Variants in DLGAP2 observed in about 807,000 individuals in gnomAD.
DLGAP2 encodes the protein disks large-associated protein 2.
A neutral mutation model predicts 100.3 loss-of-function variants in DLGAP2; 26 were observed. The observed-to-expected ratio is 0.26, with a 90% confidence interval of 0.19 to 0.36. DLGAP2 has a LOEUF of 0.36. Among genes scored for constraint, DLGAP2 ranks in the 10% least tolerant of loss-of-function variants. DLGAP2 has a pLI of 1.00. For synonymous variants in DLGAP2, 886 were observed against 630.1 expected (o/e 1.41, Z -6.08); for missense variants, 1,858 against 1,453.2 (o/e 1.28, Z -4.53).
At chr8:1,476,215 A>G (rs1798925625) in intron 3 of DLGAP2, among the ~76,000 whole-genome samples, 1 of 152,164 alleles carries the variant, frequency 6.6e-6, no homozygotes, top group Non-Finnish European at 1.5e-5. Flanking sequence ...GTCCTGGTAC[A>G]TCTCTTAGCT....
intron 4 of DLGAP2, among the ~76,000 whole-genome samples, chr8:1,505,552 A>G (rs768694563): frequency 4.6e-5 from 7 of 152,224 alleles, no homozygotes; most frequent in Non-Finnish European, 1.0e-4. Context: ...AAGCTCATAG[A>G]GTGTAATGTA....
intron 3 of DLGAP2, among the ~76,000 whole-genome samples, chr8:1,379,177 C>T (rs901585411): frequency 3.9e-5 from 6 of 152,254 alleles, no homozygotes; most frequent in Non-Finnish European, 7.3e-5. Flanking sequence ...GTCAGCCTCA[C>T]GGGGCCACCC....
At chr8:1,624,306 G>C (rs985142787) in intron 6 of DLGAP2, among the ~76,000 whole-genome samples, 2 of 152,080 alleles carry the variant, frequency 1.3e-5, no homozygotes, top group East Asian at 3.9e-4. Flanking sequence ...GCAGAAGTGC[G>C]GGAAGTTTAC....
chr8:1,164,172 CATTTT>C lies in DLGAP2; in HGVS notation c.74-94678_74-94674del, dbSNP rs1563224181. ...TTTCTGTGAGCCCCCCAGGGCCCGTCATTTTGGTTTGTGGGGATTTTTCTGTGAGC... is the reference window on the plus strand; with the variant it reads ...TTTCTGTGAGCCCCCCAGGGCCCGTCGGTTTGTGGGGATTTTTCTGTGAGC... On this transcript the variant is annotated intron_variant, in intron 2 of 14. Transcript: ENST00000637795. Among the ~76,000 whole-genome samples the C allele has an allele frequency of 5.6e-4, 62 of 111,204 alleles. 5 individuals carry two copies. Among genetic ancestry groups the C allele is most frequent in the South Asian group, 2.5e-3 (9 of 3,634 alleles). The allele number at this position is 111,204 out of a possible 152,430, so 73.0% of individuals were successfully genotyped here.
intron 2 of DLGAP2, among the ~76,000 whole-genome samples, chr8:911,212 G>C (rs566257854): frequency 3.3e-5 from 5 of 152,306 alleles, no homozygotes; most frequent in African/African-American, 1.2e-4. Flanking sequence ...CCATGGTGAA[G>C]AGATGACATG....
chr8:790,510 C>A (rs760587881), intron 1 of DLGAP2, among the ~76,000 whole-genome samples: 1 of 152,110 alleles, frequency 6.6e-6, no homozygotes, highest in Non-Finnish European at 1.5e-5. Flanking sequence ...TGTAGCAAGA[C>A]CAGCATGGGG....
At chr8:1,408,769 C>T (rs1425435959) in intron 3 of DLGAP2, among the ~76,000 whole-genome samples, 1 of 152,110 alleles carries the variant, frequency 6.6e-6, no homozygotes, top group East Asian at 1.9e-4. Context: ...GAACTCGTGG[C>T]AGCTCTACCA....
At chr8:1,380,575 C>T (rs1467700106) in intron 3 of DLGAP2, among the ~76,000 whole-genome samples, 5 of 152,060 alleles carry the variant, frequency 3.3e-5, no homozygotes, top group Non-Finnish European at 7.4e-5. Flanking sequence ...TACAAAGCGA[C>T]GTGAATTAAA....
At chr8:1,009,348 G>A (rs770914674) in intron 2 of DLGAP2, among the ~76,000 whole-genome samples, 13 of 152,156 alleles carry the variant, frequency 8.5e-5, no homozygotes, top group Non-Finnish European at 1.3e-4. Flanking sequence ...ATCGGATAAC[G>A]GGCTTTTTCT....
At chr8:1,193,763 C>G (rs150960124) in intron 2 of DLGAP2, among the ~76,000 whole-genome samples, 3 of 152,144 alleles carry the variant, frequency 2.0e-5, no homozygotes, top group African/African-American at 7.2e-5. Flanking sequence ...GAGCAGATCC[C>G]AGTCTCGGCC....
intron 4 of DLGAP2, among the ~76,000 whole-genome samples, chr8:1,519,856 G>T (rs572675736): frequency 6.6e-6 from 1 of 152,230 alleles, no homozygotes; most frequent in Non-Finnish European, 1.5e-5. Flanking sequence ...GGCTTCCTTT[G>T]GGGGCACAGA....
chr8:1,364,028 C>T (rs1802048134), intron 3 of DLGAP2, among the ~76,000 whole-genome samples: 1 of 152,170 alleles, frequency 6.6e-6, no homozygotes, highest in Non-Finnish European at 1.5e-5. Flanking sequence ...CCTCACTGAT[C>T]CTCATGGAAC....
At chr8:1,307,476 T>G (rs916259156) in intron 3 of DLGAP2, among the ~76,000 whole-genome samples, 1 of 152,100 alleles carries the variant, frequency 6.6e-6, no homozygotes, top group Non-Finnish European at 1.5e-5. Flanking sequence ...CTTCAAAAAA[T>G]AAACATGGAA....
chr8:983,635 AT>A (rs953662925), intron 2 of DLGAP2, among the ~76,000 whole-genome samples: 12 of 152,128 alleles, frequency 7.9e-5, no homozygotes, highest in Non-Finnish European at 1.3e-4. Flanking sequence ...ATTTATTTTA[AT>A]TTTTTTTAAT....
chr8:1,011,804 G>C (rs1483882940), intron 2 of DLGAP2, among the ~76,000 whole-genome samples: 1 of 152,202 alleles, frequency 6.6e-6, no homozygotes. Context: ...CCTGGAATGA[G>C]AGTCCTCAGT....
intron 1 of DLGAP2, among the ~76,000 whole-genome samples, chr8:807,831 G>A (rs1449189284): frequency 6.6e-6 from 1 of 152,142 alleles, no homozygotes; most frequent in African/African-American, 2.4e-5. Flanking sequence ...AAAATGACGG[G>A]GGTGCTGGTG....
At chr8:1,225,522 T>C (rs1798396418) in intron 2 of DLGAP2, among the ~76,000 whole-genome samples, 1 of 152,178 alleles carries the variant, frequency 6.6e-6, no homozygotes, top group Admixed American at 6.5e-5. Context: ...GAACAACACG[T>C]GAATGTATTA....
At chr8:1,409,328 G>T (rs972747099) in intron 3 of DLGAP2, among the ~76,000 whole-genome samples, 1 of 151,578 alleles carries the variant, frequency 6.6e-6, no homozygotes, top group Non-Finnish European at 1.5e-5. Flanking sequence ...CATAGCAGGC[G>T]CCTGGCTCCC....
intron 1 of DLGAP2, among the ~76,000 whole-genome samples, chr8:748,228 G>A (rs1449542807): frequency 2.2e-4 from 31 of 139,992 alleles, no homozygotes; most frequent in East Asian, 1.2e-3. Context: ...GCGGGTCTGC[G>A]GTGGGATGGG....
Sources: gnomAD v4.1 joint callset for allele counts (sites outside exome capture counted in the v4.1 genomes callset) on GRCh38, gnomAD v4.1.1 for gene constraint, MANE v1.5 for transcripts, NCBI Gene and HGNC (gene_info 2026-07-23, HGNC 2026-07-21) for gene names.